FGD5: variants seen among roughly 807,000 people sequenced by gnomAD.
The protein encoded by FGD5 is FYVE, RhoGEF and PH domain-containing protein 5.
FGD5 carries 28 observed loss-of-function variants against 133.4 expected under a neutral mutation model. That is an observed-to-expected ratio of 0.21 (90% CI 0.16 to 0.29). FGD5 has a LOEUF of 0.29. FGD5 is among the 10% of genes least tolerant of loss of function. The pLI is 1.00. For missense variants in FGD5, 1,858 were observed against 1,895.2 expected (o/e 0.98, Z 0.36); for synonymous variants, 810 against 776.5 (o/e 1.04, Z -0.72).
chr3:14,908,243 G>A (rs2038376130), intron 10 of FGD5, among the ~76,000 whole-genome samples: 1 of 152,206 alleles, frequency 6.6e-6, no homozygotes, highest in Non-Finnish European at 1.5e-5. Flanking sequence ...CTCAAGATTA[G>A]CAGGTGTCTC....
chr3:14,836,916 T>C (rs939626620), intron 1 of FGD5, among the ~76,000 whole-genome samples: 67 of 152,222 alleles, frequency 4.4e-4, no homozygotes, highest in Middle Eastern at 3.4e-3. Flanking sequence ...CGAGTAAGAA[T>C]TTGCGACCTG....
chr3:14,906,570 C>T (rs559413310), intron 9 of FGD5, among the ~76,000 whole-genome samples: 1 of 152,352 alleles, frequency 6.6e-6, no homozygotes, highest in South Asian at 2.1e-4. Flanking sequence ...CCCTGCCTTT[C>T]TCGTGGGCAC....
In FGD5 at chr3:14,917,505, G is replaced by A. The variant is rs1319663045; in HGVS notation, c.3489+173G>A. Among the ~76,000 whole-genome samples, 3 of 152,104 alleles carry A rather than the reference G, an allele frequency of 2.0e-5. No homozygotes were observed. The highest frequency in any genetic ancestry group is 2.0e-4 in the Admixed American group (3 of 15,272). The stretch of plus-strand genomic sequence containing the variant: ...TGTAAGTTGCCCAGGGAAAGGGGAG[G>A]GGGATGGAGGGCTTCTTGGAAGAGG... On this transcript the variant is annotated intron_variant, in intron 12 of 19. Transcript: ENST00000285046. The surrounding 1 kb of genome is among the most constrained non-coding windows in gnomAD (Gnocchi z 4.1).
intron 1 of FGD5, among the ~76,000 whole-genome samples, chr3:14,849,538 G>A (rs1308306451): frequency 1.3e-5 from 2 of 152,164 alleles, no homozygotes; most frequent in Non-Finnish European, 2.9e-5. Context: ...ACTGAAAGAT[G>A]AGTATAATAA....
At chr3:14,836,964 G>T (rs1303450049) in intron 1 of FGD5, among the ~76,000 whole-genome samples, 2 of 152,216 alleles carry the variant, frequency 1.3e-5, no homozygotes, top group African/African-American at 4.8e-5. Context: ...GGAAGGGACA[G>T]TGGGGACCAC....
chr3:14,912,467 G>A (rs184960192), intron 11 of FGD5, among the ~76,000 whole-genome samples: 7 of 152,352 alleles, frequency 4.6e-5, no homozygotes, highest in African/African-American at 1.7e-4. Context: ...GCCAAGCAGT[G>A]CGTGGTTTAG....
intron 1 of FGD5, among the ~76,000 whole-genome samples, chr3:14,839,793 C>T (rs993940411): frequency 6.6e-6 from 1 of 151,960 alleles, no homozygotes. Context: ...ATTAGCTGGG[C>T]GTGGTGGTGG....
intron 1 of FGD5, among the ~76,000 whole-genome samples, chr3:14,828,085 T>C (rs569828745): frequency 2.1e-4 from 32 of 151,944 alleles, no homozygotes; most frequent in Non-Finnish European, 4.4e-4. Flanking sequence ...TGATGGTTGT[T>C]TGTGAAATGA....
Position 14,819,722 on chromosome 3 carries a change from T to C in FGD5, c.651T>C (p.Asp217=). The C allele has an allele frequency of 1.3e-6, 2 of 1,534,158 alleles. No homozygotes were observed. Among genetic ancestry groups the C allele is most frequent in the Non-Finnish European group, 1.8e-6 (2 of 1,138,342 alleles). The change falls in exon 1 of 20, where the codon GAT becomes GAC. Residue 217 remains aspartate, a synonymous_variant. Transcript: ENST00000285046. This position sits in a 1 kb window ranked among gnomAD's most constrained non-coding sequence, Gnocchi z 4.1. ...PDTPGEAEED[D]EEGCASTDPA... ...CCCCCGGGGAGGCAGAGGAGGATGATGAGGAAGGCTGTGCCAGCACAGACC... is the reference window on the plus strand; with the variant it reads ...CCCCCGGGGAGGCAGAGGAGGATGACGAGGAAGGCTGTGCCAGCACAGACC...
intron 1 of FGD5, among the ~76,000 whole-genome samples, chr3:14,849,077 AT>A (rs2037108981): frequency 6.6e-6 from 1 of 152,178 alleles, no homozygotes; most frequent in South Asian, 2.1e-4. Context: ...TGACAAGAGC[AT>A]GTGTGCACTA....
At chr3:14,814,603 G>C (rs2036342165), upstream of FGD5, among the ~76,000 whole-genome samples, 1 of 152,066 alleles carries the variant, frequency 6.6e-6, no homozygotes, top group African/African-American at 2.4e-5. Flanking sequence ...CCTCTTCTCT[G>C]TCCACACTCA....
chr3:14,870,811 C>G (rs2037592482), intron 2 of FGD5, among the ~76,000 whole-genome samples: 1 of 152,190 alleles, frequency 6.6e-6, no homozygotes, highest in South Asian at 2.1e-4. Context: ...CCAAGCTCAT[C>G]CTCTTCCCAT....
At chr3:14,886,088 C>T (rs1196678923) in intron 4 of FGD5, among the ~76,000 whole-genome samples, 1 of 152,214 alleles carries the variant, frequency 6.6e-6, no homozygotes, top group African/African-American at 2.4e-5. Context: ...GGCAACTCCA[C>T]GCAGTCTCAG....
rs1185661688 is a variant in FGD5 at position 14,926,111 on chromosome 3, C to G, written c.4110C>G (p.Leu1370=). The change falls in exon 18 of 20, where the codon CTC becomes CTG. Residue 1370 remains leucine (L), a synonymous_variant. Transcript: ENST00000285046. ...SGEGSAISGY[L]SRCKRGKRHW... ...AGGGCTCTGCCATCAGTGGCTATCT[C>G]AGCCGGTGTAAGAGGGGCAAGCGGC... The G allele has an allele frequency of 2.5e-6, 4 of 1,613,926 alleles. No homozygotes were observed. In the Admixed American group the frequency reaches 5.0e-5, roughly 20 times the overall value.
rs1483166417 is a variant in FGD5 at position 14,932,430 on chromosome 3, G to C, written c.4198-147G>C. The C allele has an allele frequency of 3.5e-6, 3 of 867,694 alleles. No homozygotes were observed. In the Admixed American group the frequency reaches 9.5e-5, roughly 27 times the overall value. 53.7% of individuals were successfully genotyped at this position (867,694 alleles called of 1,614,324 possible). ...AGGGCTGGCTCTGGGGGGAAGCGAG[G>C]GTCAACAGTTTGTGTGTGGTGAGCC... On this transcript the variant is annotated intron_variant, in intron 18 of 19. Coordinates refer to ENST00000285046, the MANE Select transcript of FGD5 (RefSeq NM_152536.4).
chr3:14,933,047 A>G, intron 19 of FGD5, 84 bp from the exon 20 acceptor site: 1 of 1,440,872 alleles, frequency 6.9e-7, no homozygotes, highest in Admixed American at 1.9e-5. Context: ...AGAGGAATCT[A>G]CTAGTCCAGT....
Position 14,922,976 on chromosome 3 carries a change from G to A in FGD5, c.3808-70G>A, listed in dbSNP as rs377086261. On this transcript the variant is annotated intron_variant, in intron 15 of 19. Transcript: ENST00000285046. The surrounding 1 kb of genome is among the most constrained non-coding windows in gnomAD (Gnocchi z 4.1). ...TTGTGGGTGGATTAGCAGAGGGAGC[G>A]GAGGGGAGGGGTGCAGGTCTCCTTT... 190 of 1,603,368 alleles carry A rather than the reference G, an allele frequency of 1.2e-4. 1 individual carries two copies. In the East Asian group the frequency reaches 2.0e-3, roughly 17 times the overall value.
In FGD5 at chr3:14,867,999, G is replaced by A. The variant is rs111679518; in HGVS notation, c.2658+3739G>A. Among the ~76,000 whole-genome samples, 635 of 152,198 alleles carry A rather than the reference G, an allele frequency of 4.2e-3. 2 individuals carry two copies. The highest frequency in any genetic ancestry group is 0.012 in the Admixed American group (178 of 15,296). On this transcript the variant is annotated intron_variant, in intron 2 of 19. Transcript: ENST00000285046. Reference sequence around the variant, plus strand: ...AGTCATGATAGGAGAGGTTTTGGGAGCAGGACAGGAGGCTGAGCCCCACTG... The same window carrying A: ...AGTCATGATAGGAGAGGTTTTGGGAACAGGACAGGAGGCTGAGCCCCACTG...
intron 2 of FGD5, among the ~76,000 whole-genome samples, chr3:14,869,640 GTC>G (rs765611260): frequency 1.4e-4 from 21 of 152,130 alleles, no homozygotes; most frequent in South Asian, 2.1e-4. Flanking sequence ...TCCACTTCCT[GTC>G]TCTATGAGTT....
Sources: allele counts gnomAD v4.1 joint callset (sites outside exome capture counted in the v4.1 genomes callset), GRCh38; gene constraint gnomAD v4.1.1; non-coding constraint Gnocchi (gnomAD v3.1); transcripts MANE v1.5; gene names NCBI Gene and HGNC (gene_info 2026-07-23, HGNC 2026-07-21).